The following SYNE1 variants were observed in gnomAD, a reference collection of about 807,000 sequenced individuals.
The protein encoded by SYNE1 is spectrin repeat containing nuclear envelope protein 1.
A neutral mutation model predicts 1,111.0 loss-of-function variants in SYNE1; 616 were observed. The ratio of observed to expected loss-of-function variants is 0.55; its 90% CI spans 0.52 to 0.59. The LOEUF (loss-of-function observed/expected upper bound fraction) is 0.59, where lower values mean the gene tolerates loss of function less well. SYNE1 is among the 20% of genes least tolerant of loss of function. The pLI is 0.00. For synonymous variants in SYNE1, 3,855 were observed against 3,825.8 expected, an observed-to-expected ratio of 1.01 and a Z score of -0.28; for missense variants, 10,006 against 10,417.0, an observed-to-expected ratio of 0.96 and a Z score of 1.72.
At chr6:152,585,007 C>A (rs1033099035) in intron 3 of SYNE1, among the ~76,000 whole-genome samples, 1 of 152,126 alleles carries the variant, frequency 6.6e-6, no homozygotes, top group Non-Finnish European at 1.5e-5. Context: ...TTCCCGTAAT[C>A]CCTACGTGTC....
At position 152,206,234 on chromosome 6, in the gene SYNE1, T is replaced by C; in HGVS notation, c.22953A>G (p.Gln7651=). ...AALQAELAEI[Q]EKWKSASMRL... is the part of the protein sequence containing the mutation. ...GCATGCTGGCTGATTTCCATTTCTC[T>C]TGGATTTCAGCGAGTTCGGCCTGCA... The change falls in exon 126 of 146, where the codon CAA becomes CAG. Residue 7651 remains glutamine, a synonymous_variant. Transcript: ENST00000367255. 2 of 1,613,930 alleles carry C rather than the reference T, an allele frequency of 1.2e-6. No homozygotes were observed. Among genetic ancestry groups the C allele is most frequent in the Non-Finnish European group, 1.7e-6 (2 of 1,180,032 alleles).
intron 145 of SYNE1, chr6:152,125,129 C>T: frequency 1.1e-6 from 1 of 947,918 alleles, no homozygotes. Context: ...GCTTCAGATT[C>T]TACAGTTAAA....
chr6:152,123,119 C>T (rs998469839), intron 145 of SYNE1, among the ~76,000 whole-genome samples: 1 of 152,104 alleles, frequency 6.6e-6, no homozygotes, highest in African/African-American at 2.4e-5. Context: ...ACCAAGTATC[C>T]CATCTAGCCA....
rs562945678 is a variant in SYNE1, at chr6:152,353,156, A to G, written c.11253+107T>C. The G allele has an allele frequency of 8.4e-6, 12 of 1,435,074 alleles. No homozygotes were observed. The East Asian group carries it at 9.1e-5, about 11-fold the overall frequency. The allele number at this position is 1,435,074 out of a possible 1,614,324, so 88.9% of individuals were successfully genotyped here. A position where few individuals can be genotyped will look rare whatever the true frequency, so the allele number is the denominator to read the frequency against. ...TAAAATGATGAGCTCAGGATCACCA[A>G]TCATAATGGTTGGGATGATCACCTG... On this transcript the variant is annotated intron_variant, in intron 69 of 145. Coordinates refer to ENST00000367255, the MANE Select transcript of SYNE1 (RefSeq NM_182961.4).
At position 152,385,688 on chromosome 6, in the gene SYNE1, A is replaced by T; in HGVS notation, c.8638T>A (p.Leu2880Ile). 3 of 1,614,084 alleles carry T rather than the reference A, an allele frequency of 1.9e-6. No individual in the cohort carries two copies. Among genetic ancestry groups the T allele is most frequent in the Non-Finnish European group, 2.5e-6 (3 of 1,179,986 alleles). The change falls in exon 55 of 146, where the codon TTA becomes ATA. Residue 2880 changes from leucine (L) to isoleucine (I), a missense_variant. Coordinates refer to ENST00000367255, the MANE Select transcript of SYNE1 (RefSeq NM_182961.4). ...SGDSSATQKK[L>I]SKIKELIDSR... ...CATTTCCTGACCTTAATTTTTGATAACTTTTTCTGGGTGGCTGATGAATCT... is the reference window on the plus strand; with the variant it reads ...CATTTCCTGACCTTAATTTTTGATATCTTTTTCTGGGTGGCTGATGAATCT...
chr6:152,300,529 G>C, intron 93 of SYNE1, 112 bp downstream of exon 93: 1 of 1,492,834 alleles, frequency 6.7e-7, no homozygotes, highest in East Asian at 2.3e-5. Flanking sequence ...TGTGTCCCTG[G>C]AACCAAATGC....
In SYNE1 at chr6:152,331,057, T is replaced by C. The variant is rs138770612; in HGVS notation, c.13628A>G (p.Tyr4543Cys). ...ACTGCACTTTTGTAAAACACTGTCA[T>C]AGACACTCTGCAATTCCTGAAGCTT... Reference protein sequence around the residue: ...LGKLQELQSVYDSVLQKCSHR... With the variant: ...LGKLQELQSVCDSVLQKCSHR... The change falls in exon 78 of 146, where the codon TAT becomes TGT. Residue 4543 changes from tyrosine (Y) to cysteine (C), a missense_variant. Around this residue, in one of 7 missense-constraint regions of SYNE1, gnomAD observed 4,955 missense variants for 5,017.2 expected, o/e 0.99. Transcript: ENST00000367255. 6.4e-5 allele frequency: 104 copies of C among 1,614,050 alleles called. No individual in the cohort carries two copies. In the Admixed American group the frequency reaches 1.2e-3, roughly 19 times the overall value.
intron 66 of SYNE1, among the ~76,000 whole-genome samples, chr6:152,357,042 T>G (rs2154056116): frequency 6.6e-6 from 1 of 152,318 alleles, no homozygotes; most frequent in East Asian, 1.9e-4. Flanking sequence ...GCTAAACCTG[T>G]GGATCCTACT....
intron 8 of SYNE1, among the ~76,000 whole-genome samples, chr6:152,506,247 A>T (rs2099057698): frequency 6.6e-6 from 1 of 152,194 alleles, no homozygotes; most frequent in Non-Finnish European, 1.5e-5. Flanking sequence ...TTATAAAGGC[A>T]GTTCCGAAAA....
Position 152,587,054 on chromosome 6 carries a change from C to T in SYNE1, c.67+41211G>A, listed in dbSNP as rs185651080. On this transcript the variant is annotated intron_variant, in intron 3 of 145. Coordinates refer to ENST00000367255, the MANE Select transcript of SYNE1 (RefSeq NM_182961.4). ...GTAAAGGGTTATTTTGGGACCATTT[C>T]GCTTATCTTTAGAGAAGTCCATATC... is the stretch of plus-strand genomic sequence containing the variant. Among the ~76,000 whole-genome samples, 147 of 152,228 alleles carry T rather than the reference C, an allele frequency of 9.7e-4. 2 individuals are homozygous for T. Among genetic ancestry groups the T allele is most frequent in the East Asian group, 1.2e-3 (6 of 5,182 alleles).
Position 152,151,721 on chromosome 6 carries a change from A to T in SYNE1, c.24313-31T>A, listed in dbSNP as rs752185611. 3.1e-6 allele frequency: 5 copies of T among 1,606,590 alleles called. No homozygotes were observed. The African/African-American group carries it at 6.7e-5, about 21-fold the overall frequency. ...AGGCAAGAGGAAAGTAGTAACAATT[A>T]TTTTTATTAAAAGTCCTTCTAAACA... On this transcript the variant is annotated intron_variant, in intron 134 of 145. Coordinates refer to ENST00000367255, the MANE Select transcript of SYNE1 (RefSeq NM_182961.4).
rs752831474 is a variant in SYNE1 at position 152,430,638 on chromosome 6, A to T, written c.4533T>A (p.Ala1511=). 5.6e-6 allele frequency: 9 copies of T among 1,614,028 alleles called. No homozygotes were observed. The highest frequency in any genetic ancestry group is 6.8e-6 in the Non-Finnish European group (8 of 1,180,014). ...VGLEEEAQSF[A]QFVTTGESAR... ...CAGATTCTCCAGTGGTAACAAACTG[A>T]GCAAAAGACTGGGCTTCTTCTTCTA... The change falls in exon 35 of 146, where the codon GCT becomes GCA. Residue 1511 remains alanine, a synonymous_variant. Transcript: ENST00000367255.
intron 21 of SYNE1, among the ~76,000 whole-genome samples, chr6:152,461,176 T>C (rs2098731973): frequency 6.6e-6 from 1 of 152,134 alleles, no homozygotes; most frequent in Non-Finnish European, 1.5e-5. Context: ...TCCACAGCTT[T>C]GTGGCTATGC....
At position 152,218,321 on chromosome 6, in the gene SYNE1, T is replaced by A. The variant is rs2079256424; in HGVS notation, c.22127A>T (p.Gln7376Leu). Residue 7376 changes from glutamine (Q) to leucine (L), a missense_variant, in exon 121 of 146, where the codon CAA becomes CTA. This residue lies in a region of SYNE1 where 2,182 missense variants were observed against 2,287.8 expected (regional missense o/e 0.95). Coordinates refer to ENST00000367255, the MANE Select transcript of SYNE1 (RefSeq NM_182961.4). ...AGATGAGTGGCTAGGGTCCTGCCCT[T>A]GTAGTATTTCTTCAGCTTCCACTAT... is the stretch of plus-strand genomic sequence containing the variant. ...AWIVEAEEIL[Q>L]GQDPSHSSDL... The A allele has an allele frequency of 6.2e-7, 1 of 1,613,978 alleles. No homozygotes were observed.
At chr6:152,180,047 A>T in intron 129 of SYNE1, 89 bp downstream of exon 129, 1 of 1,357,098 alleles carries the variant, frequency 7.4e-7, no homozygotes, top group Non-Finnish European at 1.1e-6. Flanking sequence ...ACAGGAAAGT[A>T]ATTGTGAGTA....
chr6:152,510,173 G>T lies in SYNE1; in HGVS notation c.581+20C>A. The T allele has an allele frequency of 1.2e-6, 2 of 1,612,688 alleles. No individual in the cohort carries two copies. Among genetic ancestry groups the T allele is most frequent in the South Asian group, 2.2e-5 (2 of 90,978 alleles). ...ACTCAATTTAACGGTTTCAAATTTA[G>T]ACAAACTCTTGATACTTACTTGCCA... On this transcript the variant is annotated intron_variant, in intron 8 of 145. Coordinates refer to ENST00000367255, the MANE Select transcript of SYNE1 (RefSeq NM_182961.4).
At position 152,367,308 on chromosome 6, in the gene SYNE1, G is replaced by C. The variant is rs1401004231; in HGVS notation, c.9882C>G (p.Asp3294Glu). ...GCATGTGAATCGCATCCGTCATCCA[G>C]TCTTGTAATTCTTTAATCCCAAGAG... ...QFSLGIKELQ[D>E]WMTDAIHMLD... Residue 3294 changes from aspartate to glutamate, a missense_variant, in exon 62 of 146, where the codon GAC becomes GAG. Coordinates refer to ENST00000367255, the MANE Select transcript of SYNE1 (RefSeq NM_182961.4). 2 of 1,614,088 alleles carry C rather than the reference G, an allele frequency of 1.2e-6. No individual in the cohort carries two copies. The highest frequency in any genetic ancestry group is 2.2e-5 in the South Asian group (2 of 91,088).
At chr6:152,414,912 A>T (rs1474909393) in intron 41 of SYNE1, among the ~76,000 whole-genome samples, 1 of 152,114 alleles carries the variant, frequency 6.6e-6, no homozygotes, top group Non-Finnish European at 1.5e-5. Flanking sequence ...TTTATTCTTA[A>T]ACTAATCAGA....
At chr6:152,308,376 A>G in intron 91 of SYNE1, 113 bp downstream of exon 91, 2 of 1,478,276 alleles carry the variant, frequency 1.4e-6, no homozygotes, top group Non-Finnish European at 1.9e-6. Context: ...CAAGAGTTGA[A>G]CACATTAAGT....
Sources: allele counts gnomAD v4.1 joint callset (sites outside exome capture counted in the v4.1 genomes callset), GRCh38; gene constraint gnomAD v4.1.1; regional missense constraint gnomAD v4.1.1; transcripts MANE v1.5; gene names NCBI Gene and HGNC (gene_info 2026-07-23, HGNC 2026-07-21).